OR2V1: variants seen among roughly 807,000 people sequenced by gnomAD.
OR2V1 encodes the protein olfactory receptor family 2 subfamily V member 1, also known as olfactory receptor 2V1.
Under a neutral mutation model 15.0 loss-of-function variants are expected in OR2V1, and 18 were observed. The observed-to-expected ratio is 1.20, with a 90% CI of 0.83 to 1.78. The LOEUF is 1.78. Among genes scored for constraint, OR2V1 ranks in the 40% most tolerant of loss-of-function variants. OR2V1 has a pLI of 0.00. For synonymous variants in OR2V1, 144 were observed against 146.1 expected (o/e 0.99, Z 0.10); for missense variants, 359 against 392.9 (o/e 0.91, Z 0.73).
chr5:181,128,167 A>G (rs963340275), intron 3 of OR2V1, among the ~76,000 whole-genome samples: 3 of 150,180 alleles, frequency 2.0e-5, no homozygotes, highest in African/African-American at 7.4e-5. Context: ...CAACACTCGC[A>G]TCATCCTGGA....
Position 181,124,818 on chromosome 5 carries a change from C to T in OR2V1, c.487G>A (p.Ala163Thr), listed in dbSNP as rs1762851852. ...GIIDGVIQMV[A>T]AMGLPYCGSR... ...CCACAGTAAGGTAAGCCCATGGCTG[C>T]CACCATCTGAATCACTCCATCTATT... The change falls in exon 4 of 4, where the codon GCA (alanine) becomes ACA (threonine). Residue 163 changes from alanine to threonine, a missense_variant. Coordinates refer to ENST00000641551, the MANE Select transcript of OR2V1 (RefSeq NM_001258283.2). The T allele has an allele frequency of 6.3e-7, 1 of 1,594,228 alleles. No individual in the cohort carries two copies. The highest frequency in any genetic ancestry group is 2.3e-5 in the East Asian group (1 of 44,276).
chr5:181,128,572 C>T (rs890086123), intron 3 of OR2V1, among the ~76,000 whole-genome samples: 2 of 152,220 alleles, frequency 1.3e-5, no homozygotes. Flanking sequence ...TGCTCCCACA[C>T]GGCAGGACAA....
chr5:181,124,618 T>C lies in OR2V1; in HGVS notation c.687A>G (p.Ile229Met). 6.2e-7 allele frequency: 1 copy of C among 1,613,750 alleles called. No homozygotes were observed. Among genetic ancestry groups the C allele is most frequent in the East Asian group, 2.2e-5 (1 of 44,872 alleles). The change falls in exon 4 of 4, where the codon ATA becomes ATG. Residue 229 changes from isoleucine (I) to methionine (M), a missense_variant. Coordinates refer to ENST00000641551, the MANE Select transcript of OR2V1 (RefSeq NM_001258283.2). ...CTTTTTTCCAGGCCTGAGCAGAGCG[T>C]ATTCGGAGCACAGCCCCTAGGATGC... ...YACILGAVLR[I>M]RSAQAWKKAL...
In OR2V1 at chr5:181,124,420, A is replaced by G. The variant is rs1423481155; in HGVS notation, c.885T>C (p.Asn295=). ...MLNPLIYSLR[N]GEVMGALRKG... ...TCCTCAGTGCCCCCATCACCTCCCC[A>G]TTCCTCAAGCTGTAAATGAGGGGGT... The change falls in exon 4 of 4, where the codon AAT becomes AAC. Residue 295 remains asparagine (N), a synonymous_variant. Coordinates refer to ENST00000641551, the MANE Select transcript of OR2V1 (RefSeq NM_001258283.2). 5.6e-6 allele frequency: 9 copies of G among 1,612,468 alleles called. No homozygotes were observed. The highest frequency in any genetic ancestry group is 4.2e-6 in the Non-Finnish European group (5 of 1,179,250).
At chr5:181,126,562 A>G (rs1762873957) in intron 3 of OR2V1, among the ~76,000 whole-genome samples, 1 of 151,982 alleles carries the variant, frequency 6.6e-6, no homozygotes, top group Non-Finnish European at 1.5e-5. Flanking sequence ...ACATATACAC[A>G]TGAAAATACA....
chr5:181,123,988 A>C lies in OR2V1; in HGVS notation c.*369T>G. On this transcript the variant is annotated 3_prime_UTR_variant, in exon 4 of 4. Transcript: ENST00000641551. ...AGCTATTACCAAGAAGAATTAAGAA[A>C]TATAGCACTAAAGGGCAGAAAAACA... The C allele has an allele frequency of 5.9e-6, 1 of 169,294 alleles. No individual in the cohort carries two copies. Among genetic ancestry groups the C allele is most frequent in the Non-Finnish European group, 1.3e-5 (1 of 79,938 alleles). 10.5% of individuals were successfully genotyped at this position (169,294 alleles called of 1,614,324 possible).
chr5:181,126,946 G>A (rs951517775), intron 3 of OR2V1, among the ~76,000 whole-genome samples: 2 of 152,188 alleles, frequency 1.3e-5, no homozygotes, highest in South Asian at 2.1e-4. Context: ...GGTTTTCCTC[G>A]GTGGAATGCT....
At chr5:181,126,841 C>A (rs2113327801) in intron 3 of OR2V1, among the ~76,000 whole-genome samples, 1 of 152,320 alleles carries the variant, frequency 6.6e-6, no homozygotes, top group South Asian at 2.1e-4. Context: ...CACACACACC[C>A]CGCACGTCCC....
Position 181,124,111 on chromosome 5 carries a change from A to T in OR2V1, c.*246T>A, listed in dbSNP as rs1307221248. The T allele has an allele frequency of 5.2e-6, 2 of 381,328 alleles. No individual in the cohort carries two copies. The highest frequency in any genetic ancestry group is 9.3e-6 in the Non-Finnish European group (2 of 216,150). 23.6% of individuals were successfully genotyped at this position (381,328 alleles called of 1,614,324 possible). A position where few individuals can be genotyped will look rare whatever the true frequency, so the allele number is the denominator to read the frequency against. ...CAATAATAGCAGCCGTTGCTTCTTC[A>T]TGGAGCTTTAGATTGACACATTGTG... is the stretch of plus-strand genomic sequence containing the variant. On this transcript the variant is annotated 3_prime_UTR_variant, in exon 4 of 4. Coordinates refer to ENST00000641551, the MANE Select transcript of OR2V1 (RefSeq NM_001258283.2).
In OR2V1 at chr5:181,124,312, G is replaced by T. The variant is rs1303542418; in HGVS notation, c.*45C>A. Reference sequence around the variant, plus strand: ...CACAAAGGTTGAGTGACTTCCCAATGTGACACAGGCAAGAAGGGGCACAGC... The same window carrying T: ...CACAAAGGTTGAGTGACTTCCCAATTTGACACAGGCAAGAAGGGGCACAGC... On this transcript the variant is annotated 3_prime_UTR_variant, in exon 4 of 4. Transcript: ENST00000641551. 6.8e-7 allele frequency: 1 copy of T among 1,461,808 alleles called. No homozygotes were observed. The highest frequency in any genetic ancestry group is 1.5e-5 in the South Asian group (1 of 67,266). The allele number at this position is 1,461,808 out of a possible 1,614,324, so 90.6% of individuals were successfully genotyped here.
chr5:181,126,560 A>C (rs1353487398), intron 3 of OR2V1, among the ~76,000 whole-genome samples: 2 of 151,966 alleles, frequency 1.3e-5, no homozygotes, highest in Non-Finnish European at 2.9e-5. Flanking sequence ...ACACATATAC[A>C]CATGAAAATA....
chr5:181,129,948 G>GGGAA (rs1426590849), intron 2 of OR2V1, among the ~76,000 whole-genome samples: 3 of 152,204 alleles, frequency 2.0e-5, no homozygotes, highest in Non-Finnish European at 4.4e-5. Context: ...AAGAGAGAGA[G>GGGAA]GTGGGTCAAA....
chr5:181,128,922 T>C (rs1762924200), intron 3 of OR2V1, among the ~76,000 whole-genome samples: 1 of 152,128 alleles, frequency 6.6e-6, no homozygotes, highest in African/African-American at 2.4e-5. Flanking sequence ...AGTCAATATT[T>C]GTTGAATGCA....
rs1426387060 is a variant in OR2V1, at chr5:181,130,229, C to T, written c.-120-14G>A. The T allele has an allele frequency of 2.5e-6, 1 of 398,774 alleles. No individual in the cohort carries two copies. The highest frequency in any genetic ancestry group is 1.3e-4 in the South Asian group (1 of 7,868). 24.7% of individuals were successfully genotyped at this position (398,774 alleles called of 1,614,324 possible). Reference sequence around the variant, plus strand: ...CAGCAGAGTCACCTGTGGAGGAGTTCCTAGCGTCAGAGCCATGCACTCATC... The same window carrying T: ...CAGCAGAGTCACCTGTGGAGGAGTTTCTAGCGTCAGAGCCATGCACTCATC... On this transcript the variant is annotated splice_polypyrimidine_tract_variant and intron_variant, in intron 1 of 3. Coordinates refer to ENST00000641551, the MANE Select transcript of OR2V1 (RefSeq NM_001258283.2).
chr5:181,126,993 T>G (rs1762882740), intron 3 of OR2V1, among the ~76,000 whole-genome samples: 1 of 152,208 alleles, frequency 6.6e-6, no homozygotes, highest in African/African-American at 2.4e-5. Flanking sequence ...CTTCCTGTCT[T>G]TCCTCAAATG....
In OR2V1 at chr5:181,125,166, TGAG is replaced by T. The variant is rs533904793; in HGVS notation, c.136_138del (p.Leu46del). On this transcript the variant is annotated inframe_deletion, in exon 4 of 4. Transcript: ENST00000641551. ...CCAGCGTCCAGGTAGATGAGGAAGA[TGAG>T]GAGGACATTCCCACAGAGGGCCACT... 7.1e-4 allele frequency: 1,146 copies of T among 1,613,966 alleles called. 7 individuals carry two copies. The African/African-American group carries it at 0.014, about 20-fold the overall frequency.
Position 181,123,467 on chromosome 5 carries a change from G to T in OR2V1, c.*890C>A. 6.2e-6 allele frequency: 1 copy of T among 160,630 alleles called. No homozygotes were observed. The highest frequency in any genetic ancestry group is 1.7e-4 in the South Asian group (1 of 6,016). The allele number at this position is 160,630 out of a possible 1,614,324, so 10.0% of individuals were successfully genotyped here. A position where few individuals can be genotyped will look rare whatever the true frequency, so the allele number is the denominator to read the frequency against. On this transcript the variant is annotated 3_prime_UTR_variant, in exon 4 of 4. Coordinates refer to ENST00000641551, the MANE Select transcript of OR2V1 (RefSeq NM_001258283.2). ...AGGCGGGGACAGCTCGAAGCAGGGA[G>T]GGGGCTTCCAGGTCACAGGTAGGTG...
chr5:181,124,399 C>T lies in OR2V1; in HGVS notation c.906G>A (p.Leu302=), dbSNP rs1561622455. 27 of 1,608,834 alleles carry T rather than the reference C, an allele frequency of 1.7e-5. No individual in the cohort carries two copies. Among genetic ancestry groups the T allele is most frequent in the Non-Finnish European group, 2.0e-5 (24 of 1,177,122 alleles). ...SLRNGEVMGA[L]RKGLDRCRIG... ...TCCTGCAGCGGTCCAGCCCCTTCCT[C>T]AGTGCCCCCATCACCTCCCCATTCC... Residue 302 remains leucine (L), a synonymous_variant, in exon 4 of 4, where the codon CTG becomes CTA. Transcript: ENST00000641551.
At position 181,124,213 on chromosome 5, in the gene OR2V1, A is replaced by C; in HGVS notation, c.*144T>G. ...TTTTTTTTGGTACAGAAATGTTCAT[A>C]ATGGCTTTTCTCATGATGGCCAAAA... On this transcript the variant is annotated 3_prime_UTR_variant, in exon 4 of 4. Transcript: ENST00000641551. 1 of 676,278 alleles carries C rather than the reference A, an allele frequency of 1.5e-6. No individual in the cohort carries two copies. The highest frequency in any genetic ancestry group is 2.2e-6 in the Non-Finnish European group (1 of 451,840). 41.9% of individuals were successfully genotyped at this position (676,278 alleles called of 1,614,324 possible). A position where few individuals can be genotyped will look rare whatever the true frequency, so the allele number is the denominator to read the frequency against.
Sources: gnomAD v4.1 joint callset for allele counts (sites outside exome capture counted in the v4.1 genomes callset) on GRCh38, gnomAD v4.1.1 for gene constraint, MANE v1.5 for transcripts, NCBI Gene and HGNC (gene_info 2026-07-23, HGNC 2026-07-21) for gene names.